Variants in ADAMTS20 observed in about 807,000 individuals in gnomAD.
The protein encoded by ADAMTS20 is A disintegrin and metalloproteinase with thrombospondin motifs 20.
Under a neutral mutation model 260.1 loss-of-function variants are expected in ADAMTS20, and 225 were observed. That is an observed-to-expected ratio of 0.87 (90% CI 0.78 to 0.97). The LOEUF (loss-of-function observed/expected upper bound fraction) is 0.97. ADAMTS20 is among the 50% of genes least tolerant of loss of function. The pLI, the probability that ADAMTS20 is intolerant of heterozygous loss-of-function variation, is 0.00. For missense variants in ADAMTS20, 2,400 were observed against 2,337.7 expected (o/e 1.03, Z -0.55); for synonymous variants, 802 against 769.5 (o/e 1.04, Z -0.70).
intron 28 of ADAMTS20, among the ~76,000 whole-genome samples, chr12:43,411,640 T>TTA (rs1941034044): frequency 1.3e-5 from 2 of 152,232 alleles, no homozygotes; most frequent in South Asian, 4.1e-4. Flanking sequence ...AGTGCTGGGA[T>TTA]TACAGGCATG....
rs551169111 is a variant in ADAMTS20, at chr12:43,446,629, C to A, written c.2163G>T (p.Lys721Asn). 1 of 1,613,310 alleles carries A rather than the reference C, an allele frequency of 6.2e-7. No homozygotes were observed. Among genetic ancestry groups the A allele is most frequent in the East Asian group, 2.2e-5 (1 of 44,850 alleles). ...GVCGGDNSSC[K>N]TITGVFNSSH... is the part of the protein sequence containing the mutation. ...AACTGTTGAAGACACCTGTTATTGTCTTGCATGAAGAGTTGTCCCCACCAC... is the reference window on the plus strand; with the variant it reads ...AACTGTTGAAGACACCTGTTATTGTATTGCATGAAGAGTTGTCCCCACCAC... The change falls in exon 15 of 39, where the codon AAG becomes AAT. Residue 721 changes from lysine to asparagine, a missense_variant. By Grantham distance (94) the Lys-to-Asn change is moderately conservative. Coordinates refer to ENST00000389420, the MANE Select transcript of ADAMTS20 (RefSeq NM_025003.5).
rs1415508809 is a variant in ADAMTS20, at chr12:43,485,599, G to A, written c.1117+4796C>T. Among the ~76,000 whole-genome samples the A allele has an allele frequency of 2.0e-5, 3 of 152,012 alleles. No individual in the cohort carries two copies. In the East Asian group the frequency reaches 5.8e-4, roughly 29 times the overall value. On this transcript the variant is annotated intron_variant, in intron 7 of 38. Transcript: ENST00000389420. Reference sequence around the variant, plus strand: ...ATCAGGCAAGAGAAAGAAATAAAGGGCATCCAAATTGGAAAAGTGGAAGTC... The same window carrying A: ...ATCAGGCAAGAGAAAGAAATAAAGGACATCCAAATTGGAAAAGTGGAAGTC...
intron 14 of ADAMTS20, among the ~76,000 whole-genome samples, chr12:43,451,721 A>G (rs1050982039): frequency 1.3e-5 from 2 of 152,104 alleles, no homozygotes; most frequent in African/African-American, 4.8e-5. Flanking sequence ...AATTGTTTAC[A>G]TGCCTATTTC....
chr12:43,446,751 T>C, intron 14 of ADAMTS20, 39 bp from the exon 15 acceptor site: 2 of 1,505,900 alleles, frequency 1.3e-6, no homozygotes, highest in Non-Finnish European at 1.8e-6. Context: ...TAAGAATGAC[T>C]AATTATGAAG....
At chr12:43,358,828 C>T (rs1939804942) in intron 37 of ADAMTS20, among the ~76,000 whole-genome samples, 1 of 129,050 alleles carries the variant, frequency 7.7e-6, no homozygotes, top group Non-Finnish European at 1.6e-5. Flanking sequence ...CAGAGCGAAA[C>T]TCCGTCTCAA....
intron 36 of ADAMTS20, among the ~76,000 whole-genome samples, chr12:43,374,379 G>A (rs1488578111): frequency 1.3e-5 from 2 of 152,114 alleles, no homozygotes; most frequent in Admixed American, 1.3e-4. Flanking sequence ...TTGAGATGGA[G>A]TCTCTGCTAG....
intron 37 of ADAMTS20, among the ~76,000 whole-genome samples, chr12:43,367,180 C>T (rs527788243): frequency 2.6e-5 from 4 of 151,780 alleles, no homozygotes; most frequent in East Asian, 1.9e-4. Flanking sequence ...GGAAAAAACA[C>T]GTCCCGCTAC....
Position 43,356,525 on chromosome 12 carries a change from T to A in ADAMTS20, c.5602A>T (p.Thr1868Ser). The A allele has an allele frequency of 6.2e-7, 1 of 1,611,244 alleles. No individual in the cohort carries two copies. The highest frequency in any genetic ancestry group is 1.7e-4 in the Middle Eastern group (1 of 6,054). The change falls in exon 38 of 39, where the codon ACT becomes TCT. Residue 1868 changes from threonine (T) to serine (S), a missense_variant. Physicochemically the swap from Thr to Ser is moderately conservative, Grantham distance 58. Coordinates refer to ENST00000389420, the MANE Select transcript of ADAMTS20 (RefSeq NM_025003.5). The part of the protein sequence containing the change: ...MKISSTAKWL[T>S]QGSYTSVSIR... ...CTGACAGAGGTATAACTCCCCTGAG[T>A]GAGCCACTTTGCTGTGCTGGATATC...
intron 14 of ADAMTS20, 67 bp downstream of exon 14, chr12:43,452,207 A>G: frequency 6.8e-7 from 1 of 1,476,372 alleles, no homozygotes. Flanking sequence ...ATTTGGTTAT[A>G]TAAATCGAAA....
intron 2 of ADAMTS20, among the ~76,000 whole-genome samples, chr12:43,546,865 A>C (rs1943447488): frequency 6.6e-6 from 1 of 152,174 alleles, no homozygotes; most frequent in East Asian, 1.9e-4. Flanking sequence ...ATAAATACTT[A>C]CACTTATGGA....
At chr12:43,469,970 C>T (rs11182091) in intron 7 of ADAMTS20, among the ~76,000 whole-genome samples, 12,048 of 152,164 alleles carry the variant, frequency 0.079, 976 homozygotes, top group East Asian at 0.46. Flanking sequence ...GGTCTTGCTT[C>T]GGCAAGGTCC....
chr12:43,424,290 T>G (rs1382445130), intron 28 of ADAMTS20, among the ~76,000 whole-genome samples: 3 of 152,162 alleles, frequency 2.0e-5, no homozygotes, highest in African/African-American at 7.2e-5. Context: ...TATTAATTAC[T>G]CCTCAAAAAA....
At chr12:43,401,261 T>C (rs1266431671) in intron 28 of ADAMTS20, among the ~76,000 whole-genome samples, 1 of 151,998 alleles carries the variant, frequency 6.6e-6, no homozygotes, top group Admixed American at 6.6e-5. Flanking sequence ...ATGTTTGATA[T>C]GACTTATCTA....
intron 37 of ADAMTS20, among the ~76,000 whole-genome samples, chr12:43,359,953 A>T (rs554087965): frequency 6.6e-6 from 1 of 152,310 alleles, no homozygotes; most frequent in African/African-American, 2.4e-5. Context: ...CTCAGAAATG[A>T]CTCTAAATGT....
At chr12:43,370,105 C>A (rs1357497963) in intron 36 of ADAMTS20, among the ~76,000 whole-genome samples, 1 of 152,156 alleles carries the variant, frequency 6.6e-6, no homozygotes, top group Non-Finnish European at 1.5e-5. Context: ...TATTCCAAAT[C>A]TCTTCACTTT....
chr12:43,412,973 G>A (rs1439034832), intron 28 of ADAMTS20, among the ~76,000 whole-genome samples: 3 of 151,588 alleles, frequency 2.0e-5, no homozygotes, highest in African/African-American at 7.3e-5. Flanking sequence ...ACTACCCCCA[G>A]CTAACTTTTT....
chr12:43,375,297 C>G, intron 36 of ADAMTS20, 82 bp downstream of exon 36: 1 of 1,448,994 alleles, frequency 6.9e-7, no homozygotes, highest in Non-Finnish European at 9.3e-7. Context: ...TGTACCCTGG[C>G]TACAACATAT....
chr12:43,396,261 G>A (rs1395785985), intron 29 of ADAMTS20, among the ~76,000 whole-genome samples: 1 of 152,048 alleles, frequency 6.6e-6, no homozygotes, highest in Non-Finnish European at 1.5e-5. Flanking sequence ...ACTCATTTAA[G>A]CACCTCTGTG....
At position 43,502,320 on chromosome 12, in the gene ADAMTS20, T is replaced by C. The variant is rs1200297053; in HGVS notation, c.699A>G (p.Leu233=). Residue 233 remains leucine (L), a synonymous_variant, in exon 4 of 39, where the codon TTA becomes TTG. Coordinates refer to ENST00000389420, the MANE Select transcript of ADAMTS20 (RefSeq NM_025003.5). ...ATGGTACATTTTTTGATGTGTGTCC[T>C]AAAACTCTTTCTTTCATTACATTAA... ...EDLNVMKERV[L]GHTSKNVPLK... is the part of the protein sequence containing the mutation. 5 of 1,611,224 alleles carry C rather than the reference T, an allele frequency of 3.1e-6. No individual in the cohort carries two copies. Among genetic ancestry groups the C allele is most frequent in the Non-Finnish European group, 3.4e-6 (4 of 1,179,100 alleles).
Sources: allele counts gnomAD v4.1 joint callset (sites outside exome capture counted in the v4.1 genomes callset), GRCh38; gene constraint gnomAD v4.1.1; transcripts MANE v1.5; gene names NCBI Gene and HGNC (gene_info 2026-07-23, HGNC 2026-07-21).